Variants in INTS9 observed in about 807,000 individuals in gnomAD.
The protein encoded by INTS9 is protein related to CPSF subunits of 74 kDa.
In INTS9, 55 loss-of-function variants were observed where a neutral mutation model predicts 79.7. That is an observed-to-expected ratio of 0.69 (90% confidence interval 0.56 to 0.86). INTS9 has a LOEUF of 0.86. Ranked by LOEUF, INTS9 falls within the 40% of genes least tolerant of loss-of-function variation. The pLI is 0.00. For missense variants in INTS9, 721 were observed against 831.5 expected, an observed-to-expected ratio of 0.87 and a Z score of 1.64; for synonymous variants, 319 against 325.2, an observed-to-expected ratio of 0.98 and a Z score of 0.20.
Position 28,771,341 on chromosome 8 carries a change from G to A in INTS9, c.1564-261C>T, listed in dbSNP as rs898687626. Among the ~76,000 whole-genome samples the A allele has an allele frequency of 3.3e-5, 5 of 152,078 alleles. No individual in the cohort carries two copies. The East Asian group carries it at 7.7e-4, about 23-fold the overall frequency. On this transcript the variant is annotated intron_variant, in intron 14 of 16. Coordinates refer to ENST00000521022, the MANE Select transcript of INTS9 (RefSeq NM_018250.4). ...GGAAGGACGGGGACAGCAGCATGGC[G>A]GTTGAGGGAGCTCTCTCTTCCTGAA...
rs142607564 is a variant in INTS9, at chr8:28,813,245, C to A, written c.609+247G>T. ...CAAAATCTATAAAATCTAATGTGAA[C>A]AGGATGAGACGCCTTTCTCCGGACT... On this transcript the variant is annotated intron_variant, in intron 7 of 16. Coordinates refer to ENST00000521022, the MANE Select transcript of INTS9 (RefSeq NM_018250.4). 1.1e-4 allele frequency among the ~76,000 whole-genome samples: 17 copies of A among 152,260 alleles called. No individual in the cohort carries two copies. In the East Asian group the frequency reaches 3.1e-3, roughly 28 times the overall value.
At chr8:28,790,011 G>A (rs868568190) in intron 10 of INTS9, among the ~76,000 whole-genome samples, 25 of 152,140 alleles carry the variant, frequency 1.6e-4, no homozygotes, top group African/African-American at 5.6e-4. Flanking sequence ...AAACAACCAA[G>A]CCCCTTAGCT....
chr8:28,880,220 A>C (rs1809629860), intron 1 of INTS9, among the ~76,000 whole-genome samples: 1 of 150,786 alleles, frequency 6.6e-6, no homozygotes, highest in South Asian at 2.1e-4. Flanking sequence ...AAAAATGTAG[A>C]CATAGCTCTC....
At chr8:28,795,741 A>G (rs930287816) in intron 9 of INTS9, among the ~76,000 whole-genome samples, 1 of 152,052 alleles carries the variant, frequency 6.6e-6, no homozygotes, top group African/African-American at 2.4e-5. Context: ...ATCTGCATCA[A>G]GAAACGACCA....
intron 1 of INTS9, among the ~76,000 whole-genome samples, chr8:28,880,530 G>C (rs1472523456): frequency 6.6e-6 from 1 of 151,708 alleles, no homozygotes; most frequent in African/African-American, 2.4e-5. Flanking sequence ...CGAGGTGCCG[G>C]GATTGCAGAT....
chr8:28,797,331 T>C (rs901648402), intron 8 of INTS9, among the ~76,000 whole-genome samples: 1 of 152,184 alleles, frequency 6.6e-6, no homozygotes, highest in Admixed American at 6.5e-5. Context: ...CCCAGTGGCA[T>C]AGAAGCCATG....
At chr8:28,778,705 C>T (rs542988147) in intron 12 of INTS9, among the ~76,000 whole-genome samples, 2 of 152,336 alleles carry the variant, frequency 1.3e-5, no homozygotes, top group Admixed American at 1.3e-4. Context: ...CAAAAGACCT[C>T]GCTCGGTCCT....
At chr8:28,837,566 T>G in intron 5 of INTS9, 71 bp downstream of exon 5, 2 of 1,506,382 alleles carry the variant, frequency 1.3e-6, no homozygotes, top group Non-Finnish European at 1.8e-6. Context: ...GGTATAATAC[T>G]GTGATAGCGT....
intron 10 of INTS9, among the ~76,000 whole-genome samples, chr8:28,788,582 C>T (rs569495078): frequency 2.6e-5 from 4 of 152,208 alleles, no homozygotes; most frequent in East Asian, 3.9e-4. Context: ...CCACACTCGG[C>T]GAATTTTTGT....
chr8:28,800,460 A>T (rs914151974), intron 8 of INTS9, among the ~76,000 whole-genome samples: 1 of 152,220 alleles, frequency 6.6e-6, no homozygotes, highest in Non-Finnish European at 1.5e-5. Context: ...GATCATGCCC[A>T]CTGACAGAGC....
At chr8:28,868,276 TTTG>T (rs1808874133) in intron 1 of INTS9, among the ~76,000 whole-genome samples, 1 of 152,322 alleles carries the variant, frequency 6.6e-6, no homozygotes, top group East Asian at 1.9e-4. Context: ...GTAATTTTCT[TTTG>T]TTGGTTTTCC....
In INTS9 at chr8:28,768,202, C is replaced by T. The variant is rs138182549; in HGVS notation, c.1921G>A (p.Glu641Lys). 2.4e-5 allele frequency: 39 copies of T among 1,614,064 alleles called. No homozygotes were observed. In the Admixed American group the frequency reaches 3.5e-4, roughly 14 times the overall value. The stretch of plus-strand genomic sequence containing the variant: ...TCCCGCAGTCGCACTCTGAGCATCT[C>T]GTCATTGTCGCAGATGATATGGGTC... The part of the protein sequence containing the change: ...DSTHIICDND[E>K]MLRVRLRDLV... Residue 641 changes from glutamate (E) to lysine (K), a missense_variant, in exon 17 of 17, where the codon GAG becomes AAG. Physicochemically the swap from Glu to Lys is moderately conservative, Grantham distance 56 (BLOSUM62 1). This residue lies in a region of INTS9 where 281 missense variants were observed against 300.8 expected (regional missense o/e 0.93). Coordinates refer to ENST00000521022, the MANE Select transcript of INTS9 (RefSeq NM_018250.4).
Position 28,770,975 on chromosome 8 carries a change from C to T in INTS9, c.1662+7G>A, listed in dbSNP as rs374538823. 5 of 1,610,724 alleles carry T rather than the reference C, an allele frequency of 3.1e-6. No homozygotes were observed. In the African/African-American group the frequency reaches 5.3e-5, roughly 17 times the overall value. ...GGTCCCCTGCACTCCCACCCAGCAC[C>T]CCCTACCTGAAGCAAGTGCTTGTTA... On this transcript the variant is annotated splice_region_variant and intron_variant, in intron 15 of 16. Coordinates refer to ENST00000521022, the MANE Select transcript of INTS9 (RefSeq NM_018250.4).
At chr8:28,808,307 C>A (rs187495504) in intron 8 of INTS9, among the ~76,000 whole-genome samples, 43 of 151,930 alleles carry the variant, frequency 2.8e-4, no homozygotes, top group African/African-American at 1.0e-3. Flanking sequence ...GATTCTCCTG[C>A]CTCAGCCTCC....
chr8:28,817,456 G>A (rs1307788685), intron 6 of INTS9, among the ~76,000 whole-genome samples: 1 of 152,136 alleles, frequency 6.6e-6, no homozygotes, highest in Non-Finnish European at 1.5e-5. Flanking sequence ...TCAAAGATCA[G>A]ATAGTTGTAG....
intron 8 of INTS9, among the ~76,000 whole-genome samples, chr8:28,804,901 A>G (rs241162): frequency 0.79 from 120,090 of 152,134 alleles, 47,595 homozygotes; most frequent in Non-Finnish European, 0.81. Flanking sequence ...GCATGAATAC[A>G]GCTGAGAATG....
intron 1 of INTS9, among the ~76,000 whole-genome samples, chr8:28,888,378 C>T (rs1163027437): frequency 6.6e-6 from 1 of 152,082 alleles, no homozygotes; most frequent in Non-Finnish European, 1.5e-5. Flanking sequence ...ATGGTTAAAC[C>T]CCATTTCTAC....
intron 6 of INTS9, among the ~76,000 whole-genome samples, chr8:28,826,443 C>A (rs896719478): frequency 6.6e-6 from 1 of 152,140 alleles, no homozygotes; most frequent in Non-Finnish European, 1.5e-5. Context: ...CAGGGGTAAC[C>A]CGGAGGAGGA....
At chr8:28,832,431 A>C (rs1425217806) in intron 6 of INTS9, among the ~76,000 whole-genome samples, 1 of 152,244 alleles carries the variant, frequency 6.6e-6, no homozygotes, top group Non-Finnish European at 1.5e-5. Flanking sequence ...AACACAGGAG[A>C]AAGTGTGCAC....
Sources: gnomAD v4.1 joint callset for allele counts (sites outside exome capture counted in the v4.1 genomes callset) on GRCh38, gnomAD v4.1.1 for gene constraint, gnomAD v4.1.1 regional missense constraint, MANE v1.5 for transcripts, NCBI Gene and HGNC (gene_info 2026-07-23, HGNC 2026-07-21) for gene names.